The following LRP1B variants were observed in gnomAD, a reference collection of about 807,000 sequenced individuals.
LRP1B encodes the protein LDL receptor related protein 1B, also known as low-density lipoprotein receptor-related protein 1B.
A neutral mutation model predicts 556.6 loss-of-function variants in LRP1B; 217 were observed. The ratio of observed to expected loss-of-function variants is 0.39; its 90% confidence interval spans 0.35 to 0.44. The LOEUF is 0.44. LRP1B is among the 20% of genes least tolerant of loss of function. The pLI, the probability that LRP1B is intolerant of heterozygous loss-of-function variation, is 1.00. For synonymous variants in LRP1B, 2,047 were observed against 1,865.8 expected (o/e 1.10, Z -2.50); for missense variants, 5,053 against 5,620.8 (o/e 0.90, Z 3.23).
chr2:141,024,002 T>C (rs1698144028), intron 11 of LRP1B, among the ~76,000 whole-genome samples: 2 of 152,032 alleles, frequency 1.3e-5, no homozygotes, highest in South Asian at 2.1e-4. Flanking sequence ...AGCGATGCCT[T>C]ACCTCACCCT....
intron 1 of LRP1B, among the ~76,000 whole-genome samples, chr2:141,947,651 C>T (rs1205371878): frequency 6.6e-6 from 1 of 151,966 alleles, no homozygotes; most frequent in Non-Finnish European, 1.5e-5. Context: ...ATACTTAATT[C>T]TCTTTAAGTA....
intron 7 of LRP1B, among the ~76,000 whole-genome samples, chr2:141,148,369 T>A (rs558210304): frequency 6.6e-6 from 1 of 151,174 alleles, no homozygotes; most frequent in African/African-American, 2.4e-5. Flanking sequence ...ATAATCAATT[T>A]GTGCAGATGA....
chr2:141,953,466 G>A lies in LRP1B; in HGVS notation c.83-143065C>T, dbSNP rs141557871. On this transcript the variant is annotated intron_variant, in intron 1 of 90. Coordinates refer to ENST00000389484, the MANE Select transcript of LRP1B (RefSeq NM_018557.3). ...CTACCTCTATCCATCTTCTGCAGTA[G>A]GATTTAACTAAATAACAAACACCCC... is the stretch of plus-strand genomic sequence containing the variant. Among the ~76,000 whole-genome samples, 88 of 152,046 alleles carry A rather than the reference G, an allele frequency of 5.8e-4. 2 individuals are homozygous for A. In the Middle Eastern group the frequency reaches 0.027, roughly 47 times the overall value.
intron 41 of LRP1B, among the ~76,000 whole-genome samples, chr2:140,659,842 A>G (rs1184998355): frequency 6.6e-6 from 1 of 152,122 alleles, no homozygotes; most frequent in Non-Finnish European, 1.5e-5. Context: ...AGAGATAAGA[A>G]ATAAATTTTT....
intron 1 of LRP1B, among the ~76,000 whole-genome samples, chr2:142,013,948 A>G (rs1703036585): frequency 6.6e-6 from 1 of 152,194 alleles, no homozygotes; most frequent in African/African-American, 2.4e-5. Flanking sequence ...GTGCCCAGAT[A>G]TCCTGATATC....
intron 1 of LRP1B, among the ~76,000 whole-genome samples, chr2:142,025,170 C>T (rs187364312): frequency 1.0e-3 from 154 of 152,236 alleles, no homozygotes; most frequent in Non-Finnish European, 1.7e-3. Flanking sequence ...CAACTTTCTT[C>T]CCATCCCAAA....
intron 3 of LRP1B, among the ~76,000 whole-genome samples, chr2:141,390,652 A>G (rs1215114805): frequency 1.3e-5 from 2 of 152,236 alleles, no homozygotes; most frequent in Non-Finnish European, 2.9e-5. Flanking sequence ...TCTCAAAAAC[A>G]TTATGCTAAG....
intron 1 of LRP1B, among the ~76,000 whole-genome samples, chr2:141,910,193 CT>C (rs1280575592): frequency 6.7e-6 from 1 of 149,148 alleles, no homozygotes; most frequent in Non-Finnish European, 1.5e-5. Context: ...CCAAAATTGT[CT>C]GCATTTTCTC....
intron 79 of LRP1B, among the ~76,000 whole-genome samples, chr2:140,331,216 A>G (rs957176690): frequency 2.0e-5 from 3 of 152,114 alleles, no homozygotes; most frequent in African/African-American, 7.2e-5. Flanking sequence ...TGTGGTACAT[A>G]TACATCATGG....
intron 7 of LRP1B, among the ~76,000 whole-genome samples, chr2:141,085,298 T>C (rs1211624635): frequency 6.6e-6 from 1 of 152,226 alleles, no homozygotes; most frequent in Non-Finnish European, 1.5e-5. Flanking sequence ...TGTAACCTCT[T>C]ATAGACTGAA....
chr2:140,630,047 C>T (rs1471468295), intron 41 of LRP1B, among the ~76,000 whole-genome samples: 1 of 152,142 alleles, frequency 6.6e-6, no homozygotes, highest in East Asian at 1.9e-4. Context: ...ATGAAAAGAA[C>T]TCAAATTAGC....
chr2:140,432,248 T>C (rs1404469098), intron 66 of LRP1B, among the ~76,000 whole-genome samples: 2 of 152,070 alleles, frequency 1.3e-5, no homozygotes, highest in African/African-American at 4.8e-5. Flanking sequence ...GACTGTAATT[T>C]TCCTTTACCT....
intron 11 of LRP1B, among the ~76,000 whole-genome samples, chr2:141,024,364 T>C (rs1698157994): frequency 6.6e-6 from 1 of 152,008 alleles, no homozygotes; most frequent in Non-Finnish European, 1.5e-5. Flanking sequence ...TACCTTGATG[T>C]TGTATTCAAA....
intron 2 of LRP1B, among the ~76,000 whole-genome samples, chr2:141,543,718 C>CT (rs1685353810): frequency 6.8e-6 from 1 of 147,666 alleles, no homozygotes. Context: ...GAGCAAGATC[C>CT]TGTCTCTAAA....
At chr2:141,514,276 T>C (rs1559114502) in intron 2 of LRP1B, among the ~76,000 whole-genome samples, 1 of 152,118 alleles carries the variant, frequency 6.6e-6, no homozygotes, top group Non-Finnish European at 1.5e-5. Context: ...GGAAATCTGG[T>C]TATGTAATGC....
chr2:140,691,748 C>A (rs1686251813), intron 41 of LRP1B, among the ~76,000 whole-genome samples: 1 of 152,004 alleles, frequency 6.6e-6, no homozygotes, highest in Non-Finnish European at 1.5e-5. Context: ...TCCAAACATG[C>A]ATATGTATGA....
intron 21 of LRP1B, among the ~76,000 whole-genome samples, chr2:140,922,298 G>GCACACACGCA (rs200071998): frequency 5.9e-5 from 8 of 135,828 alleles, no homozygotes. Flanking sequence ...ACACACACAC[G>GCACACACGCA]CACACACGCA....
At chr2:141,216,071 CA>C (rs1316727904) in intron 6 of LRP1B, among the ~76,000 whole-genome samples, 1 of 152,130 alleles carries the variant, frequency 6.6e-6, no homozygotes, top group African/African-American at 2.4e-5. Context: ...CCCCTTTCAT[CA>C]CATGCCTAGA....
chr2:141,224,815 A>G (rs1196368455), intron 6 of LRP1B, among the ~76,000 whole-genome samples: 2 of 142,240 alleles, frequency 1.4e-5, no homozygotes, highest in Non-Finnish European at 3.1e-5. Flanking sequence ...TGAGACTGTC[A>G]TGGGGGTGGG....
Sources: gnomAD v4.1 joint callset for allele counts (sites outside exome capture counted in the v4.1 genomes callset) on GRCh38, gnomAD v4.1.1 for gene constraint, MANE v1.5 for transcripts, NCBI Gene and HGNC (gene_info 2026-07-23, HGNC 2026-07-21) for gene names.